The following GPHN variants were observed in gnomAD, a reference collection of about 807,000 sequenced individuals.
GPHN encodes gephyrin.
Under a neutral mutation model 95.5 loss-of-function variants are expected in GPHN, and 17 were observed. The ratio of observed to expected loss-of-function variants is 0.18; its 90% CI spans 0.12 to 0.27. The LOEUF (loss-of-function observed/expected upper bound fraction) is 0.27, where lower values mean the gene tolerates loss of function less well. Among genes scored for constraint, GPHN ranks in the 10% least tolerant of loss-of-function variants. GPHN has a pLI of 1.00. For missense variants in GPHN, 660 were observed against 978.1 expected (o/e 0.67, Z 4.34); for synonymous variants, 320 against 322.5 (o/e 0.99, Z 0.08).
chr14:67,005,085 G>C (rs1292746612), intron 9 of GPHN, among the ~76,000 whole-genome samples: 1 of 150,552 alleles, frequency 6.6e-6, no homozygotes, highest in East Asian at 1.9e-4. Context: ...AAGGGAATTT[G>C]GTCTTTTTTT....
At chr14:66,907,566 C>A (rs539765021) in intron 5 of GPHN, among the ~76,000 whole-genome samples, 2 of 148,554 alleles carry the variant, frequency 1.3e-5, no homozygotes, top group African/African-American at 4.8e-5. Context: ...TTAATATATG[C>A]AAATTGCATT....
the GPHN span, among the ~76,000 whole-genome samples, chr14:67,263,844 TTAAA>T: frequency 0.15 from 23,485 of 152,072 alleles, 3,400 homozygotes; most frequent in East Asian, 0.42. Context: ...ACTCAACCAT[TTAAA>T]TAATTGTTCT....
At chr14:66,954,576 A>G (rs897197421) in intron 8 of GPHN, among the ~76,000 whole-genome samples, 8 of 152,158 alleles carry the variant, frequency 5.3e-5, no homozygotes, top group African/African-American at 1.7e-4. Flanking sequence ...GTCATCTGTG[A>G]ATATAGTTCT....
At chr14:67,574,250 T>G in the GPHN span, 1 of 1,603,392 alleles carries the variant, frequency 6.2e-7, no homozygotes, top group African/African-American at 1.3e-5. The surrounding 1 kb of genome is among the most constrained non-coding windows in gnomAD (Gnocchi z 4.2). Context: ...AGCTCATCTC[T>G]GAGAAGAAAA....
chr14:66,745,888 A>G (rs990733439), intron 2 of GPHN, among the ~76,000 whole-genome samples: 1 of 152,056 alleles, frequency 6.6e-6, no homozygotes, highest in African/African-American at 2.4e-5. Context: ...TGCCTATCAC[A>G]GATCTGTTTT....
chr14:66,838,943 G>A (rs2061969691), intron 4 of GPHN, among the ~76,000 whole-genome samples: 1 of 152,148 alleles, frequency 6.6e-6, no homozygotes. Context: ...ATCTGATAGG[G>A]ATTCAGAAAG....
At chr14:67,475,799 C>T in the GPHN span, among the ~76,000 whole-genome samples, 5 of 152,190 alleles carry the variant, frequency 3.3e-5, no homozygotes, top group Admixed American at 2.0e-4. Flanking sequence ...TCTACTTTCT[C>T]CTCACCCTCC....
At chr14:66,901,177 G>A (rs572096009) in intron 5 of GPHN, among the ~76,000 whole-genome samples, 18 of 152,084 alleles carry the variant, frequency 1.2e-4, no homozygotes, top group South Asian at 2.1e-4. Flanking sequence ...TTTGGGAAAT[G>A]TCTATTCATA....
chr14:66,514,753 A>G (rs892431957), intron 1 of GPHN, among the ~76,000 whole-genome samples: 6 of 152,114 alleles, frequency 3.9e-5, no homozygotes, highest in African/African-American at 1.4e-4. Context: ...TAGGTTTCAG[A>G]CACAGCTCAG....
At chr14:66,880,541 A>C (rs2063880164) in intron 5 of GPHN, among the ~76,000 whole-genome samples, 1 of 151,990 alleles carries the variant, frequency 6.6e-6, no homozygotes, top group Non-Finnish European at 1.5e-5. Flanking sequence ...ATACTGATTT[A>C]ATAAAACTAA....
chr14:67,451,410 A>G, the GPHN span, among the ~76,000 whole-genome samples: 1 of 152,220 alleles, frequency 6.6e-6, no homozygotes, highest in Non-Finnish European at 1.5e-5. Flanking sequence ...ACAGACACTC[A>G]ATGCCAGTCT....
chr14:67,072,899 T>C (rs1394180195), intron 11 of GPHN, among the ~76,000 whole-genome samples: 1 of 152,136 alleles, frequency 6.6e-6, no homozygotes, highest in Non-Finnish European at 1.5e-5. Context: ...GCTAATTTCC[T>C]TACTTTCATT....
chr14:67,528,629 C>A, the GPHN span, among the ~76,000 whole-genome samples: 3 of 152,198 alleles, frequency 2.0e-5, no homozygotes, highest in Non-Finnish European at 4.4e-5. Context: ...TCCACCAGCT[C>A]CCAACTCAGG....
chr14:67,250,937 T>A, the GPHN span, among the ~76,000 whole-genome samples: 1 of 152,212 alleles, frequency 6.6e-6, no homozygotes, highest in Non-Finnish European at 1.5e-5. Context: ...CTTAATGTGT[T>A]ATGCTGTATG....
chr14:67,572,250 C>T, the GPHN span: 2 of 1,605,786 alleles, frequency 1.2e-6, no homozygotes, highest in Non-Finnish European at 1.7e-6. Context: ...CCTCATCCTA[C>T]TCCACCGACG....
At chr14:67,712,620 T>C in the GPHN span, among the ~76,000 whole-genome samples, 1 of 151,998 alleles carries the variant, frequency 6.6e-6, no homozygotes, top group Non-Finnish European at 1.5e-5. Flanking sequence ...CTTTTAACCA[T>C]TGAGCTCATT....
At chr14:66,986,179 T>C (rs890649696) in intron 9 of GPHN, among the ~76,000 whole-genome samples, 1 of 133,064 alleles carries the variant, frequency 7.5e-6, no homozygotes, top group Non-Finnish European at 1.5e-5. Flanking sequence ...TTATAGTTCA[T>C]TTCAGAGAAA....
intron 3 of GPHN, among the ~76,000 whole-genome samples, chr14:66,823,758 C>A (rs146700566): frequency 6.6e-6 from 1 of 151,994 alleles, no homozygotes; most frequent in East Asian, 1.9e-4. Flanking sequence ...TTGTACATCT[C>A]GGTATCAGCC....
chr14:66,709,373 C>T lies in GPHN; in HGVS notation c.143+28188C>T, dbSNP rs917160862. On this transcript the variant is annotated intron_variant, in intron 2 of 22. Transcript: ENST00000478722. ...TATCCACAGGGGATAAATTCCAAAACTGCCAGTGAATGGCTGAAACCACAG... is the reference window on the plus strand; with the variant it reads ...TATCCACAGGGGATAAATTCCAAAATTGCCAGTGAATGGCTGAAACCACAG... The T allele has an allele frequency of 6.6e-6, 3 of 456,014 alleles. No individual in the cohort carries two copies. In the Admixed American group the frequency reaches 7.0e-5, roughly 11 times the overall value. 28.2% of individuals were successfully genotyped at this position (456,014 alleles called of 1,614,324 possible). A position where few individuals can be genotyped will look rare whatever the true frequency, so the allele number is the denominator to read the frequency against.
Sources: allele counts gnomAD v4.1 joint callset (sites outside exome capture counted in the v4.1 genomes callset), GRCh38; gene constraint gnomAD v4.1.1; non-coding constraint Gnocchi (gnomAD v3.1); transcripts MANE v1.5; gene names NCBI Gene and HGNC (gene_info 2026-07-23, HGNC 2026-07-21).